Variants in UBE2F observed in about 807,000 individuals in gnomAD.
UBE2F encodes the protein NEDD8-conjugating enzyme UBE2F.
In UBE2F, 5 loss-of-function variants were observed where a neutral mutation model predicts 29.6. That is an observed-to-expected ratio of 0.17 (90% CI 0.09 to 0.36). The LOEUF (loss-of-function observed/expected upper bound fraction) is 0.36, where lower values mean the gene tolerates loss of function less well. Among genes scored for constraint, UBE2F ranks in the 10% least tolerant of loss-of-function variants. The probability of loss-of-function intolerance (pLI) is 1.00; values close to 1 mark genes in which losing one functional copy is unlikely to be tolerated. For synonymous variants in UBE2F, 66 were observed against 81.8 expected, an observed-to-expected ratio of 0.81 and a Z score of 1.04; for missense variants, 141 against 228.5, an observed-to-expected ratio of 0.62 and a Z score of 2.47.
At position 237,982,161 on chromosome 2, in the gene UBE2F, G is replaced by A. The variant is rs566979577; in HGVS notation, c.119-5802G>A. 1.3e-5 allele frequency among the ~76,000 whole-genome samples: 2 copies of A among 152,284 alleles called. No homozygotes were observed. Among genetic ancestry groups the A allele is most frequent in the South Asian group, 2.1e-4 (1 of 4,826 alleles). ...ATGTCAAACCAGCAAAACACTCCCC[G>A]AGTGGCGAATGTGCAGCCAGGGCTT... On this transcript the variant is annotated intron_variant, in intron 2 of 9. Transcript: ENST00000272930. The surrounding 1 kb of genome is among the most constrained non-coding windows in gnomAD (Gnocchi z 4.1).
chr2:238,028,776 A>C (rs2064495743), intron 6 of UBE2F, among the ~76,000 whole-genome samples: 2 of 152,206 alleles, frequency 1.3e-5, no homozygotes, highest in Non-Finnish European at 2.9e-5. Flanking sequence ...TTGTGAATTT[A>C]AACATGCTCT....
At position 238,041,334 on chromosome 2, in the gene UBE2F, G is replaced by T; in HGVS notation, c.554G>T (p.Arg185Ile). ...GATGACTACATCAAACGTTATGCCA[G>T]ATGATAAAAGGGGACGATTGCAGGC... ...KVDDYIKRYAR is the reference protein window; with the variant it reads ...KVDDYIKRYAI Residue 185 changes from arginine to isoleucine, a missense_variant, in exon 10 of 10, where the codon AGA becomes ATA. Arg to Ile is a moderately conservative substitution (Grantham distance 97). Transcript: ENST00000272930. 1 of 1,613,946 alleles carries T rather than the reference G, an allele frequency of 6.2e-7. No individual in the cohort carries two copies. The highest frequency in any genetic ancestry group is 1.1e-5 in the South Asian group (1 of 91,078).
At chr2:238,003,188 A>G (rs1166799602) in intron 4 of UBE2F, among the ~76,000 whole-genome samples, 2 of 149,192 alleles carry the variant, frequency 1.3e-5, no homozygotes, top group African/African-American at 5.0e-5. Context: ...TTGAAGAAGC[A>G]CAGTTTTTTT....
intron 4 of UBE2F, among the ~76,000 whole-genome samples, chr2:238,007,963 A>AT (rs1027500418): frequency 1.1e-4 from 17 of 151,078 alleles, no homozygotes; most frequent in East Asian, 3.9e-4. Flanking sequence ...TAGTTAATTG[A>AT]TTTTTTTTTA....
At chr2:238,036,888 T>G (rs755121432) in intron 9 of UBE2F, among the ~76,000 whole-genome samples, 19 of 152,148 alleles carry the variant, frequency 1.2e-4, no homozygotes, top group Non-Finnish European at 2.1e-4. Flanking sequence ...ACTAGCACCC[T>G]CCTGACCCCC....
At chr2:238,037,486 C>A (rs1375370241) in intron 9 of UBE2F, among the ~76,000 whole-genome samples, 1 of 152,276 alleles carries the variant, frequency 6.6e-6, no homozygotes, top group Non-Finnish European at 1.5e-5. Flanking sequence ...GTCGAGGTAG[C>A]TCAGCTTAGG....
intron 4 of UBE2F, among the ~76,000 whole-genome samples, chr2:238,004,968 T>A (rs2063870767): frequency 6.6e-6 from 1 of 152,168 alleles, no homozygotes; most frequent in Non-Finnish European, 1.5e-5. Context: ...GACAGCCTTT[T>A]CTGGGGCATC....
At chr2:238,019,309 C>T (rs987871393) in intron 5 of UBE2F, among the ~76,000 whole-genome samples, 11 of 152,172 alleles carry the variant, frequency 7.2e-5, no homozygotes, top group African/African-American at 1.7e-4. Flanking sequence ...GGTGGCTCTG[C>T]ATGAACCATG....
At chr2:237,981,543 G>T (rs1482303217) in intron 2 of UBE2F, among the ~76,000 whole-genome samples, 1 of 150,776 alleles carries the variant, frequency 6.6e-6, no homozygotes, top group African/African-American at 2.4e-5. Flanking sequence ...CCCTCAGCCT[G>T]CCCTCCTTCC....
At chr2:237,984,887 T>C (rs571333556) in intron 2 of UBE2F, among the ~76,000 whole-genome samples, 8 of 152,120 alleles carry the variant, frequency 5.3e-5, no homozygotes, top group African/African-American at 1.9e-4. Context: ...TCAAGTGACC[T>C]TCCCACCTCA....
chr2:238,035,433 G>A (rs2064685664), intron 8 of UBE2F: 1 of 182,516 alleles, frequency 5.5e-6, no homozygotes, highest in Non-Finnish European at 1.1e-5. Context: ...GCTTGGTGAA[G>A]CAGAGAAAGG....
At chr2:237,976,111 C>T (rs1218184335) in intron 2 of UBE2F, among the ~76,000 whole-genome samples, 3 of 152,250 alleles carry the variant, frequency 2.0e-5, no homozygotes, top group African/African-American at 7.2e-5. Context: ...GGAGGCTTTA[C>T]CCTAAGAGGC....
intron 2 of UBE2F, chr2:237,986,071 G>T: frequency 3.7e-6 from 1 of 271,028 alleles, no homozygotes. Context: ...ATATATTTTA[G>T]ATATTAATCT....
intron 2 of UBE2F, among the ~76,000 whole-genome samples, chr2:237,974,685 T>A (rs1250863195): frequency 6.6e-6 from 1 of 151,852 alleles, no homozygotes; most frequent in Non-Finnish European, 1.5e-5. Flanking sequence ...AGCTAATTTT[T>A]TGTATTTTTA....
chr2:238,022,276 A>G (rs2064314229), intron 5 of UBE2F, among the ~76,000 whole-genome samples: 1 of 151,626 alleles, frequency 6.6e-6, no homozygotes, highest in Non-Finnish European at 1.5e-5. Context: ...TTCAAGCATT[A>G]TATTTTCATT....
intron 6 of UBE2F, among the ~76,000 whole-genome samples, chr2:238,027,530 T>C (rs921806497): frequency 1.2e-4 from 19 of 152,190 alleles, no homozygotes; most frequent in African/African-American, 4.3e-4. Flanking sequence ...GCAGGCTCTC[T>C]TGTTGGAGGG....
At position 238,041,320 on chromosome 2, in the gene UBE2F, C is replaced by G; in HGVS notation, c.540C>G (p.Ile180Met). The change falls in exon 10 of 10, where the codon ATC becomes ATG. Residue 180 changes from isoleucine (I) to methionine (M), a missense_variant. By Grantham distance (10) the Ile-to-Met change is conservative. Transcript: ENST00000272930. The part of the protein sequence containing the change: ...EDFRNKVDDY[I>M]KRYAR ...TCCGGAATAAAGTGGATGACTACAT[C>G]AAACGTTATGCCAGATGATAAAAGG... The G allele has an allele frequency of 6.2e-6, 10 of 1,613,972 alleles. No individual in the cohort carries two copies. Among genetic ancestry groups the G allele is most frequent in the Non-Finnish European group, 6.8e-6 (8 of 1,179,844 alleles).
intron 6 of UBE2F, among the ~76,000 whole-genome samples, chr2:238,027,376 G>T (rs1452890084): frequency 6.6e-6 from 1 of 152,216 alleles, no homozygotes; most frequent in Non-Finnish European, 1.5e-5. Flanking sequence ...GAGGTGGGCA[G>T]TAAATATCTG....
intron 6 of UBE2F, among the ~76,000 whole-genome samples, chr2:238,027,657 GCCAGATTGATGTACGGGGA>G (rs1371800386): frequency 6.6e-6 from 1 of 152,192 alleles, no homozygotes; most frequent in African/African-American, 2.4e-5. Context: ...GAAATAATGT[GCCAGATTGATGTACGGGGA>G]CCACCTTGTT....
Sources: gnomAD v4.1 joint callset for allele counts (sites outside exome capture counted in the v4.1 genomes callset) on GRCh38, gnomAD v4.1.1 for gene constraint, Gnocchi (gnomAD v3.1) non-coding constraint, MANE v1.5 for transcripts, NCBI Gene and HGNC (gene_info 2026-07-23, HGNC 2026-07-21) for gene names.